The following CPNE8 variants were observed in gnomAD, a reference collection of about 807,000 sequenced individuals.
CPNE8 encodes copine 8.
CPNE8 carries 45 observed loss-of-function variants against 81.5 expected under a neutral mutation model. That is an observed-to-expected ratio of 0.55 (90% CI 0.44 to 0.71). The LOEUF (loss-of-function observed/expected upper bound fraction) is 0.71, where lower values mean the gene tolerates loss of function less well. Ranked by LOEUF, CPNE8 falls within the 30% of genes least tolerant of loss-of-function variation. The probability of loss-of-function intolerance (pLI) is 0.00; values close to 1 mark genes in which losing one functional copy is unlikely to be tolerated. For synonymous variants in CPNE8, 252 were observed against 226.3 expected, an observed-to-expected ratio of 1.11 and a Z score of -1.02; for missense variants, 594 against 672.1, an observed-to-expected ratio of 0.88 and a Z score of 1.28.
chr12:38,843,767 T>C (rs1943510245), intron 4 of CPNE8, among the ~76,000 whole-genome samples: 2 of 152,214 alleles, frequency 1.3e-5, no homozygotes, highest in African/African-American at 4.8e-5. Context: ...TCTGGATTTT[T>C]TGGACGGTAG....
At chr12:38,778,069 C>T (rs901266849) in intron 6 of CPNE8, among the ~76,000 whole-genome samples, 6 of 152,116 alleles carry the variant, frequency 3.9e-5, no homozygotes, top group African/African-American at 1.4e-4. Flanking sequence ...TCAGGGGTCC[C>T]ACTGATTCTA....
At chr12:38,768,739 T>C (rs826899) in intron 7 of CPNE8, among the ~76,000 whole-genome samples, 145,061 of 151,968 alleles carry the variant, frequency 0.95, 69,433 homozygotes, top group East Asian at 1. Flanking sequence ...GTGTTAGCCA[T>C]GATGGTCTCT....
intron 19 of CPNE8, among the ~76,000 whole-genome samples, chr12:38,665,183 C>T (rs1378515089): frequency 2.0e-5 from 3 of 152,076 alleles, no homozygotes; most frequent in African/African-American, 4.8e-5. Context: ...CTTCTTAGGC[C>T]ACTCTGTTTA....
intron 5 of CPNE8, 21 bp from the exon 6 acceptor site, chr12:38,829,476 A>T: frequency 6.4e-7 from 1 of 1,551,342 alleles, no homozygotes; most frequent in Non-Finnish European, 8.9e-7. Flanking sequence ...TAAAAAGATT[A>T]AAGCTCATAA....
At chr12:38,764,218 G>A (rs1941630006) in intron 8 of CPNE8, among the ~76,000 whole-genome samples, 1 of 152,148 alleles carries the variant, frequency 6.6e-6, no homozygotes, top group South Asian at 2.1e-4. Flanking sequence ...GGGTAATGAA[G>A]ATGTCTAAAG....
At chr12:38,848,703 G>A (rs752397675) in intron 3 of CPNE8, 41 bp from the exon 4 acceptor site, 40 of 1,542,252 alleles carry the variant, frequency 2.6e-5, no homozygotes, top group Middle Eastern at 2.3e-4. Flanking sequence ...AACCTTGTAC[G>A]GCTACTTATT....
intron 6 of CPNE8, among the ~76,000 whole-genome samples, chr12:38,799,813 G>C (rs1942610493): frequency 6.9e-6 from 1 of 144,146 alleles, no homozygotes; most frequent in Non-Finnish European, 1.6e-5. Flanking sequence ...CCGTGCGCGA[G>C]CCGAAGCAGG....
chr12:38,783,416 T>TA (rs1942098294), intron 6 of CPNE8, among the ~76,000 whole-genome samples: 1 of 152,144 alleles, frequency 6.6e-6, no homozygotes, highest in Non-Finnish European at 1.5e-5. Flanking sequence ...CACCCCTCCC[T>TA]AATCCCCTTG....
chr12:38,725,035 G>A (rs1016435323), intron 11 of CPNE8, 136 bp from the exon 12 acceptor site: 11 of 793,240 alleles, frequency 1.4e-5, no homozygotes, highest in African/African-American at 3.5e-5. Flanking sequence ...CTTTCAGTAT[G>A]ACTTTGGACA....
At chr12:38,787,074 A>T (rs1429317038) in intron 6 of CPNE8, among the ~76,000 whole-genome samples, 2 of 152,180 alleles carry the variant, frequency 1.3e-5, no homozygotes, top group Non-Finnish European at 2.9e-5. Flanking sequence ...ACAAAGCAAC[A>T]TTGGACTTAA....
intron 10 of CPNE8, among the ~76,000 whole-genome samples, chr12:38,760,530 T>C (rs191498060): frequency 6.1e-4 from 92 of 150,948 alleles, no homozygotes; most frequent in African/African-American, 2.1e-3. Flanking sequence ...GATATCAATG[T>C]CATAAAAATG....
chr12:38,799,401 A>G (rs186579139), intron 6 of CPNE8, among the ~76,000 whole-genome samples: 5 of 152,176 alleles, frequency 3.3e-5, no homozygotes, highest in African/African-American at 1.2e-4. Context: ...CTCACTCTAA[A>G]CTGCTCAACT....
At chr12:38,811,154 G>C (rs186509414) in intron 6 of CPNE8, among the ~76,000 whole-genome samples, 322 of 151,766 alleles carry the variant, frequency 2.1e-3, no homozygotes, top group Admixed American at 5.1e-3. Flanking sequence ...GCACATACCC[G>C]TAATCTCACA....
chr12:38,807,403 G>A (rs898631040), intron 6 of CPNE8, among the ~76,000 whole-genome samples: 7 of 151,346 alleles, frequency 4.6e-5, no homozygotes, highest in Admixed American at 1.3e-4. Context: ...CCAAAACAGA[G>A]ATATAGATCA....
chr12:38,656,204 A>G (rs1938814156), intron 19 of CPNE8, among the ~76,000 whole-genome samples: 1 of 152,070 alleles, frequency 6.6e-6, no homozygotes, highest in Non-Finnish European at 1.5e-5. Flanking sequence ...GAATAATGAG[A>G]AAATATATCT....
chr12:38,678,416 G>A (rs1939338849), intron 16 of CPNE8, among the ~76,000 whole-genome samples: 4 of 151,530 alleles, frequency 2.6e-5, no homozygotes, highest in South Asian at 2.1e-4. Flanking sequence ...TAATTTTTAC[G>A]ATTTTTTGCA....
intron 6 of CPNE8, among the ~76,000 whole-genome samples, chr12:38,794,863 A>C (rs1455779910): frequency 6.6e-6 from 1 of 152,194 alleles, no homozygotes; most frequent in African/African-American, 2.4e-5. Context: ...TTAACCTGTT[A>C]GTCAGTGGAC....
intron 7 of CPNE8, among the ~76,000 whole-genome samples, chr12:38,769,988 T>C (rs902538303): frequency 3.3e-5 from 5 of 152,192 alleles, no homozygotes; most frequent in Admixed American, 1.3e-4. Context: ...AAAATACATC[T>C]TGTTTGAGAG....
chr12:38,769,424 T>C (rs1426011488), intron 7 of CPNE8, among the ~76,000 whole-genome samples: 1 of 151,986 alleles, frequency 6.6e-6, no homozygotes. Context: ...CTATCTATTA[T>C]AGAAGTAGTG....
Sources: gnomAD v4.1 joint callset for allele counts (sites outside exome capture counted in the v4.1 genomes callset) on GRCh38, gnomAD v4.1.1 for gene constraint, MANE v1.5 for transcripts, NCBI Gene and HGNC (gene_info 2026-07-23, HGNC 2026-07-21) for gene names.